Variants in SEMA3A observed in about 807,000 individuals in gnomAD.
SEMA3A encodes semaphorin-3A.
A neutral mutation model predicts 97.9 loss-of-function variants in SEMA3A; 29 were observed. The ratio of observed to expected loss-of-function variants is 0.30; its 90% CI spans 0.22 to 0.40. SEMA3A has a LOEUF of 0.40. Among genes scored for constraint, SEMA3A ranks in the 10% least tolerant of loss-of-function variants. SEMA3A has a pLI of 1.00. For synonymous variants in SEMA3A, 321 were observed against 323.7 expected (o/e 0.99, Z 0.09); for missense variants, 763 against 951.3 (o/e 0.80, Z 2.60).
At chr7:84,424,076 A>G (rs1185832993) in intron 1 of SEMA3A, among the ~76,000 whole-genome samples, 1 of 151,624 alleles carries the variant, frequency 6.6e-6, no homozygotes, top group African/African-American at 2.4e-5. Context: ...TATGGAAAAC[A>G]GTATGAAAGT....
intron 1 of SEMA3A, among the ~76,000 whole-genome samples, chr7:84,401,048 G>T (rs1037814947): frequency 6.6e-6 from 1 of 152,080 alleles, no homozygotes; most frequent in Non-Finnish European, 1.5e-5. Flanking sequence ...AAGAAATAAA[G>T]GGCATTAGAA....
At chr7:83,988,954 G>C (rs962072083) in intron 12 of SEMA3A, among the ~76,000 whole-genome samples, 9 of 147,480 alleles carry the variant, frequency 6.1e-5, no homozygotes, top group Admixed American at 3.4e-4. Flanking sequence ...GCACCCCCCC[G>C]ATATTCAGCT....
intron 1 of SEMA3A, among the ~76,000 whole-genome samples, chr7:84,176,974 C>T (rs1237790457): frequency 6.6e-6 from 1 of 152,068 alleles, no homozygotes; most frequent in Non-Finnish European, 1.5e-5. Flanking sequence ...TTTAGTGGTG[C>T]TGTCAAGTTG....
chr7:83,980,639 T>TATATACAC lies in SEMA3A; in HGVS notation c.1652+681_1652+682insGTGTATAT, dbSNP rs376148779. On this transcript the variant is annotated intron_variant, in intron 14 of 16. Transcript: ENST00000265362. ...AAAAAAAAAAATATATATATATATATACACACACACACACATATACATATA... is the reference window on the plus strand; with the variant it reads ...AAAAAAAAAAATATATATATATATATATATACACACACACACACACACATATACATATA... Among the ~76,000 whole-genome samples, 813 of 88,290 alleles carry TATATACAC rather than the reference T, an allele frequency of 9.2e-3. 10 individuals carry two copies. The highest frequency in any genetic ancestry group is 0.021 in the African/African-American group (451 of 21,816). 57.9% of individuals were successfully genotyped at this position (88,290 alleles called of 152,430 possible). A position where few individuals can be genotyped will look rare whatever the true frequency, so the allele number is the denominator to read the frequency against.
intron 1 of SEMA3A, among the ~76,000 whole-genome samples, chr7:84,377,451 A>G (rs1046955027): frequency 3.9e-5 from 6 of 152,080 alleles, no homozygotes; most frequent in African/African-American, 1.4e-4. Context: ...ATTCTGTTCC[A>G]TTGGTCTATG....
intron 1 of SEMA3A, among the ~76,000 whole-genome samples, chr7:84,374,763 G>C (rs1306325348): frequency 6.6e-6 from 1 of 152,182 alleles, no homozygotes; most frequent in African/African-American, 2.4e-5. Context: ...TGGTAACTTT[G>C]TAAGGTTGAT....
At chr7:84,483,218 G>A (rs1156853811) in intron 1 of SEMA3A, among the ~76,000 whole-genome samples, 1 of 151,874 alleles carries the variant, frequency 6.6e-6, no homozygotes. Context: ...TTCACTTCAT[G>A]GTAATTTGAC....
At chr7:84,247,501 T>C (rs180776022) in intron 3 of SEMA3A, among the ~76,000 whole-genome samples, 136 of 152,256 alleles carry the variant, frequency 8.9e-4, no homozygotes, top group Admixed American at 4.3e-3. Context: ...AAAAATGATA[T>C]TAAAATTTTA....
chr7:84,226,758 T>C (rs531502814), intron 3 of SEMA3A, among the ~76,000 whole-genome samples: 2 of 152,210 alleles, frequency 1.3e-5, no homozygotes, highest in South Asian at 2.1e-4. Context: ...AACCAATATC[T>C]GAAGTTCAAA....
chr7:84,105,806 G>C (rs944202195), intron 4 of SEMA3A, among the ~76,000 whole-genome samples: 2 of 152,122 alleles, frequency 1.3e-5, no homozygotes, highest in African/African-American at 4.8e-5. Flanking sequence ...TCATTTCAAT[G>C]GCATGGATGC....
chr7:84,140,042 T>C (rs1489212694), intron 1 of SEMA3A, among the ~76,000 whole-genome samples: 1 of 152,106 alleles, frequency 6.6e-6, no homozygotes, highest in Non-Finnish European at 1.5e-5. Flanking sequence ...ATCAGTTCCA[T>C]ATTTGAGATA....
intron 1 of SEMA3A, among the ~76,000 whole-genome samples, chr7:84,143,950 A>ACAC (rs1796387775): frequency 3.0e-4 from 28 of 94,666 alleles, no homozygotes; most frequent in South Asian, 1.1e-3. Context: ...CTCTCTCTCT[A>ACAC]ACACACACAC....
At chr7:84,060,841 A>T (rs1322244884) in intron 4 of SEMA3A, among the ~76,000 whole-genome samples, 1 of 152,226 alleles carries the variant, frequency 6.6e-6, no homozygotes, top group Non-Finnish European at 1.5e-5. Flanking sequence ...TGGTAAGAGG[A>T]GAGTGATTAT....
chr7:84,251,210 A>C (rs1002378187), intron 3 of SEMA3A, among the ~76,000 whole-genome samples: 12 of 152,236 alleles, frequency 7.9e-5, no homozygotes, highest in African/African-American at 2.9e-4. Context: ...TAATGATATC[A>C]ACATTCTGGT....
chr7:84,216,960 G>T (rs921988950), intron 3 of SEMA3A, among the ~76,000 whole-genome samples: 8 of 152,084 alleles, frequency 5.3e-5, no homozygotes, highest in Admixed American at 3.9e-4. Flanking sequence ...CCCCCATATT[G>T]CAATCAATTT....
intron 1 of SEMA3A, among the ~76,000 whole-genome samples, chr7:84,456,698 T>A (rs779286250): frequency 1.3e-5 from 2 of 151,898 alleles, no homozygotes; most frequent in Non-Finnish European, 3.0e-5. Context: ...GAAAAAGTTG[T>A]CATTTTTAAA....
At chr7:84,214,677 C>G (rs1212938599) in intron 3 of SEMA3A, among the ~76,000 whole-genome samples, 1 of 151,186 alleles carries the variant, frequency 6.6e-6, no homozygotes, top group Non-Finnish European at 1.5e-5. Flanking sequence ...CAGCTCTTTC[C>G]TGTATCTACT....
intron 1 of SEMA3A, among the ~76,000 whole-genome samples, chr7:84,471,693 C>G (rs1806154904): frequency 6.6e-6 from 1 of 152,014 alleles, no homozygotes; most frequent in African/African-American, 2.4e-5. Flanking sequence ...GAAATCTAGA[C>G]CTGGAATTGC....
intron 3 of SEMA3A, among the ~76,000 whole-genome samples, chr7:84,259,448 T>TAAGATAC (rs1799793711): frequency 6.6e-6 from 1 of 152,032 alleles, no homozygotes; most frequent in Non-Finnish European, 1.5e-5. Flanking sequence ...GGAAGTTATG[T>TAAGATAC]AAGATACATA....
Sources: gnomAD v4.1 joint callset for allele counts (sites outside exome capture counted in the v4.1 genomes callset) on GRCh38, gnomAD v4.1.1 for gene constraint, MANE v1.5 for transcripts, NCBI Gene and HGNC (gene_info 2026-07-23, HGNC 2026-07-21) for gene names.